Variants in KIF6 observed in about 807,000 individuals in gnomAD.
KIF6 encodes the protein kinesin-like protein KIF6.
Under a neutral mutation model 112.7 loss-of-function variants are expected in KIF6, and 106 were observed. The observed-to-expected ratio is 0.94, with a 90% CI of 0.80 to 1.11. The LOEUF (loss-of-function observed/expected upper bound fraction) is 1.11, where lower values mean the gene tolerates loss of function less well. Among genes scored for constraint, KIF6 ranks in the 50% least tolerant of loss-of-function variants. KIF6 has a pLI of 0.00. For missense variants in KIF6, 929 were observed against 964.0 expected, an observed-to-expected ratio of 0.96 and a Z score of 0.48; for synonymous variants, 339 against 339.9, an observed-to-expected ratio of 1.00 and a Z score of 0.03.
chr6:39,557,508 C>T (rs1407354816), intron 10 of KIF6, among the ~76,000 whole-genome samples: 1 of 152,110 alleles, frequency 6.6e-6, no homozygotes. Flanking sequence ...AGGACAAGAA[C>T]ATACTGGGAG....
chr6:39,403,581 A>G (rs1280063480), intron 15 of KIF6, among the ~76,000 whole-genome samples: 1 of 152,212 alleles, frequency 6.6e-6, no homozygotes, highest in Non-Finnish European at 1.5e-5. Flanking sequence ...GGTTACCACC[A>G]GTTTTTGGCA....
At chr6:39,409,765 C>G (rs1769347723) in intron 15 of KIF6, among the ~76,000 whole-genome samples, 1 of 152,168 alleles carries the variant, frequency 6.6e-6, no homozygotes, top group South Asian at 2.1e-4. Flanking sequence ...CTTGTGTGTT[C>G]TGCTTTTGGA....
At chr6:39,526,529 C>A (rs1230521322) in intron 13 of KIF6, among the ~76,000 whole-genome samples, 1 of 152,184 alleles carries the variant, frequency 6.6e-6, no homozygotes, top group Non-Finnish European at 1.5e-5. Context: ...GACTACTAGA[C>A]AAAACAAATA....
chr6:39,708,894 A>G (rs566824226), intron 3 of KIF6, among the ~76,000 whole-genome samples: 1 of 117,426 alleles, frequency 8.5e-6, no homozygotes, highest in Non-Finnish European at 1.9e-5. Context: ...AACACTAGAT[A>G]AAAAAAAAAA....
chr6:39,455,372 A>C (rs1339031237), intron 13 of KIF6, among the ~76,000 whole-genome samples: 1 of 151,780 alleles, frequency 6.6e-6, no homozygotes, highest in African/African-American at 2.4e-5. Context: ...CCATCTGTAC[A>C]TCACCATCAT....
intron 6 of KIF6, among the ~76,000 whole-genome samples, chr6:39,598,593 G>GTGTA (rs1461115334): frequency 6.6e-6 from 1 of 151,892 alleles, no homozygotes; most frequent in Non-Finnish European, 1.5e-5. Flanking sequence ...GTGTGTGTGT[G>GTGTA]TGTGTGTGTG....
At chr6:39,489,047 G>C (rs1339271089) in intron 13 of KIF6, among the ~76,000 whole-genome samples, 1 of 152,142 alleles carries the variant, frequency 6.6e-6, no homozygotes, top group Non-Finnish European at 1.5e-5. Context: ...TCAATTTTAA[G>C]TTCAGGGAAA....
chr6:39,377,057 C>G (rs1314306328), intron 16 of KIF6, among the ~76,000 whole-genome samples: 3 of 152,032 alleles, frequency 2.0e-5, no homozygotes, highest in Non-Finnish European at 4.4e-5. Flanking sequence ...CTGGAAGATC[C>G]CCTTCCGTTG....
At chr6:39,379,465 C>G (rs1037397545) in intron 16 of KIF6, among the ~76,000 whole-genome samples, 3 of 152,146 alleles carry the variant, frequency 2.0e-5, no homozygotes, top group Non-Finnish European at 4.4e-5. Context: ...ACCCACCTTT[C>G]CTGGAGCTTA....
At chr6:39,561,615 C>G (rs899854137) in intron 10 of KIF6, among the ~76,000 whole-genome samples, 1 of 152,072 alleles carries the variant, frequency 6.6e-6, no homozygotes, top group Non-Finnish European at 1.5e-5. Context: ...GCCTTGGCTC[C>G]CAAAGTGCTG....
At chr6:39,558,938 A>G (rs185398308) in intron 10 of KIF6, among the ~76,000 whole-genome samples, 51 of 152,326 alleles carry the variant, frequency 3.3e-4, no homozygotes, top group South Asian at 1.0e-3. Context: ...ATCATATGAG[A>G]TAACTATTTC....
chr6:39,493,699 A>G (rs536511216), intron 13 of KIF6, among the ~76,000 whole-genome samples: 1 of 152,216 alleles, frequency 6.6e-6, no homozygotes, highest in Non-Finnish European at 1.5e-5. Flanking sequence ...TAAATTGGCT[A>G]TTTTCCAAAC....
chr6:39,598,101 A>G (rs2150689563), intron 6 of KIF6, among the ~76,000 whole-genome samples: 1 of 152,066 alleles, frequency 6.6e-6, no homozygotes, highest in East Asian at 1.9e-4. Context: ...GCAGGAGAAT[A>G]CCTTGAACCC....
At chr6:39,481,445 T>A (rs1046288827) in intron 13 of KIF6, among the ~76,000 whole-genome samples, 5 of 152,242 alleles carry the variant, frequency 3.3e-5, no homozygotes, top group Non-Finnish European at 7.3e-5. Flanking sequence ...ACTATACACA[T>A]CTCTGCCTTA....
At chr6:39,615,702 TCTTTA>T (rs1182942448) in intron 5 of KIF6, among the ~76,000 whole-genome samples, 1 of 152,172 alleles carries the variant, frequency 6.6e-6, no homozygotes, top group Non-Finnish European at 1.5e-5. Flanking sequence ...TGATTTTTTA[TCTTTA>T]CTTTCCATCC....
chr6:39,578,866 T>C (rs1404125229), intron 9 of KIF6, among the ~76,000 whole-genome samples: 1 of 152,220 alleles, frequency 6.6e-6, no homozygotes, highest in Non-Finnish European at 1.5e-5. Flanking sequence ...TAATTGCAAC[T>C]TGTTTTTGTC....
chr6:39,557,261 G>A (rs976839122), intron 10 of KIF6, among the ~76,000 whole-genome samples: 5 of 152,040 alleles, frequency 3.3e-5, no homozygotes, highest in African/African-American at 9.7e-5. Flanking sequence ...AGCTGGAAAC[G>A]TGTTCATGTA....
intron 16 of KIF6, among the ~76,000 whole-genome samples, chr6:39,375,976 A>G (rs532659146): frequency 4.6e-5 from 7 of 152,196 alleles, no homozygotes; most frequent in Non-Finnish European, 8.8e-5. Context: ...AACCCTTGGC[A>G]GTTGGGAACT....
intron 3 of KIF6, among the ~76,000 whole-genome samples, chr6:39,667,234 C>G (rs1786529158): frequency 6.7e-6 from 1 of 150,122 alleles, no homozygotes; most frequent in African/African-American, 2.5e-5. Context: ...TGAAAGCCAG[C>G]GACCCTGGGA....
Sources: allele counts gnomAD v4.1 joint callset (sites outside exome capture counted in the v4.1 genomes callset), GRCh38; gene constraint gnomAD v4.1.1; transcripts MANE v1.5; gene names NCBI Gene and HGNC (gene_info 2026-07-23, HGNC 2026-07-21).